The following UNC13B variants were observed in gnomAD, a reference collection of about 807,000 sequenced individuals.
The protein encoded by UNC13B is protein unc-13 homolog B.
In UNC13B, 144 loss-of-function variants were observed where a neutral mutation model predicts 211.0. That is an observed-to-expected ratio of 0.68 (90% CI 0.60 to 0.78). The LOEUF (loss-of-function observed/expected upper bound fraction) is 0.78. Among genes scored for constraint, UNC13B ranks in the 30% least tolerant of loss-of-function variants. The pLI, the probability that UNC13B is intolerant of heterozygous loss-of-function variation, is 0.00. For synonymous variants in UNC13B, 709 were observed against 725.8 expected, an observed-to-expected ratio of 0.98 and a Z score of 0.37; for missense variants, 1,777 against 2,002.0, an observed-to-expected ratio of 0.89 and a Z score of 2.14.
chr9:35,184,809 G>T (rs963591224), intron 1 of UNC13B, among the ~76,000 whole-genome samples: 4 of 112,796 alleles, frequency 3.5e-5, no homozygotes, highest in African/African-American at 6.8e-5. Context: ...AGCGGGGGGG[G>T]GGGGGGAGAG....
Position 35,370,412 on chromosome 9 carries a change from T to C in UNC13B, c.9540+16T>C, listed in dbSNP as rs745677574. 1 of 1,612,876 alleles carries C rather than the reference T, an allele frequency of 6.2e-7. No homozygotes were observed. The highest frequency in any genetic ancestry group is 2.2e-5 in the East Asian group (1 of 44,870). ...CAGTGATCTGGTGAGTGAAGACTCT[T>C]GTGCAGGCATAGGCAGTAGCCTTGG... On this transcript the variant is annotated intron_variant, in intron 13 of 39. Coordinates refer to ENST00000635942, the MANE Select transcript of UNC13B (RefSeq NM_001371189.2).
At chr9:35,219,270 G>C (rs1418666837) in intron 1 of UNC13B, among the ~76,000 whole-genome samples, 2 of 152,016 alleles carry the variant, frequency 1.3e-5, no homozygotes, top group African/African-American at 4.8e-5. Context: ...TCCCTTCTTT[G>C]GTCCTTTGAG....
intron 4 of UNC13B, among the ~76,000 whole-genome samples, chr9:35,236,804 T>A (rs536287597): frequency 1.3e-3 from 198 of 152,324 alleles, no homozygotes; most frequent in African/African-American, 4.5e-3. Context: ...ACTCACAGGC[T>A]CCAGAGCACC....
chr9:35,312,951 A>G (rs934761778), intron 10 of UNC13B, among the ~76,000 whole-genome samples: 5 of 152,170 alleles, frequency 3.3e-5, no homozygotes, highest in Admixed American at 1.3e-4. Context: ...TTTTCATGTA[A>G]AAAGGAATGG....
At chr9:35,286,970 T>A (rs1001005518) in intron 7 of UNC13B, among the ~76,000 whole-genome samples, 40 of 152,128 alleles carry the variant, frequency 2.6e-4, no homozygotes, top group African/African-American at 8.9e-4. Flanking sequence ...TTTCGTTGAA[T>A]TCTGTGAGTT....
chr9:35,378,206 T>C lies in UNC13B; in HGVS notation c.10064-89T>C. The C allele has an allele frequency of 6.5e-6, 10 of 1,533,392 alleles. No individual in the cohort carries two copies. The South Asian group carries it at 1.0e-4, about 16-fold the overall frequency. 95.0% of individuals were successfully genotyped at this position (1,533,392 alleles called of 1,614,324 possible). On this transcript the variant is annotated intron_variant, in intron 16 of 39. Transcript: ENST00000635942. ...GATTACGGTATCTGTGCAAGGAGCA[T>C]AGACTGCTCTAAGATGGAAAGCATA...
At chr9:35,175,505 A>T (rs1187454276) in intron 1 of UNC13B, among the ~76,000 whole-genome samples, 9 of 152,326 alleles carry the variant, frequency 5.9e-5, no homozygotes, top group African/African-American at 2.2e-4. Flanking sequence ...AGCGAGTTTC[A>T]AGAAGGAATG....
rs1834036173 is a variant in UNC13B, at chr9:35,370,345, C to G, written c.9489C>G (p.Asp3163Glu). The G allele has an allele frequency of 2.5e-6, 4 of 1,613,886 alleles. No homozygotes were observed. Among genetic ancestry groups the G allele is most frequent in the Non-Finnish European group, 3.4e-6 (4 of 1,180,014 alleles). Residue 3163 changes from aspartate (D) to glutamate (E), a missense_variant, in exon 13 of 40, where the codon GAC (aspartate) becomes GAG (glutamate). Asp to Glu is a conservative substitution (Grantham distance 45). Transcript: ENST00000635942. ...CAGCCGGAGGGCTCTATGGCATTGA[C>G]AGCATGCCAGATTTACGCAGAAAGA... ...EGPAGGLYGIDSMPDLRRKKP... is the reference protein window; with the variant it reads ...EGPAGGLYGIESMPDLRRKKP...
At chr9:35,225,734 T>A (rs1435997956) in intron 1 of UNC13B, among the ~76,000 whole-genome samples, 7 of 152,190 alleles carry the variant, frequency 4.6e-5, no homozygotes, top group Non-Finnish European at 1.0e-4. Flanking sequence ...GGGACTGATA[T>A]GCCAGATGGG....
At chr9:35,363,579 C>A (rs534443600) in intron 11 of UNC13B, among the ~76,000 whole-genome samples, 1 of 152,178 alleles carries the variant, frequency 6.6e-6, no homozygotes, top group African/African-American at 2.4e-5. Context: ...CCTGTGAATT[C>A]GATTCTTGAA....
intron 7 of UNC13B, among the ~76,000 whole-genome samples, chr9:35,260,230 CAAA>C (rs1827199641): frequency 6.6e-6 from 1 of 151,608 alleles, no homozygotes; most frequent in Non-Finnish European, 1.5e-5. Flanking sequence ...AACAAACAAA[CAAA>C]CAAACCATAG....
rs1289292907 is a variant in UNC13B, at chr9:35,381,439, G to A, written c.10492-117G>A. 6.9e-6 allele frequency: 9 copies of A among 1,307,480 alleles called. No individual in the cohort carries two copies. The East Asian group carries it at 2.0e-4, about 29-fold the overall frequency. 81.0% of individuals were successfully genotyped at this position (1,307,480 alleles called of 1,614,324 possible). A position where few individuals can be genotyped will look rare whatever the true frequency, so the allele number is the denominator to read the frequency against. ...CCACAGGAGGAACTGAGCAATGACT[G>A]GAAGGACAGAATTTCTGTGGGACCT... On this transcript the variant is annotated intron_variant, in intron 19 of 39. Coordinates refer to ENST00000635942, the MANE Select transcript of UNC13B (RefSeq NM_001371189.2).
intron 6 of UNC13B, among the ~76,000 whole-genome samples, chr9:35,253,630 C>T (rs1826647544): frequency 6.6e-6 from 1 of 152,222 alleles, no homozygotes; most frequent in African/African-American, 2.4e-5. Context: ...CCATACACCT[C>T]GTGGGCCTAG....
At chr9:35,345,364 T>G (rs1161225186) in intron 11 of UNC13B, among the ~76,000 whole-genome samples, 5 of 152,154 alleles carry the variant, frequency 3.3e-5, no homozygotes, top group Non-Finnish European at 5.9e-5. Context: ...CGGAAATTAC[T>G]AAGATGAAGT....
rs577013793 is a variant in UNC13B, at chr9:35,280,158, G to C, written c.527-15538G>C. Among the ~76,000 whole-genome samples, 29 of 152,264 alleles carry C rather than the reference G, an allele frequency of 1.9e-4. No individual in the cohort carries two copies. The Middle Eastern group carries it at 0.014, about 71-fold the overall frequency. Reference sequence around the variant, plus strand: ...TAGAGAGGAAAGTGCTGAGGTGACAGAAGAAGAAGCAAATGGTTGAGAATG... The same window carrying C: ...TAGAGAGGAAAGTGCTGAGGTGACACAAGAAGAAGCAAATGGTTGAGAATG... On this transcript the variant is annotated intron_variant, in intron 7 of 39. Coordinates refer to ENST00000635942, the MANE Select transcript of UNC13B (RefSeq NM_001371189.2).
At chr9:35,213,037 G>A (rs1012525441) in intron 1 of UNC13B, among the ~76,000 whole-genome samples, 17 of 152,336 alleles carry the variant, frequency 1.1e-4, no homozygotes, top group South Asian at 4.1e-4. Flanking sequence ...TGGCTGTATA[G>A]GTTAAGTTAA....
intron 11 of UNC13B, among the ~76,000 whole-genome samples, chr9:35,315,406 G>C (rs1303952404): frequency 6.6e-6 from 1 of 152,082 alleles, no homozygotes; most frequent in African/African-American, 2.4e-5. Context: ...TTAAGGAAAA[G>C]TTGCAAAAAC....
intron 1 of UNC13B, among the ~76,000 whole-genome samples, chr9:35,226,949 A>G (rs1211047683): frequency 6.6e-6 from 1 of 152,240 alleles, no homozygotes. Context: ...GTTGACTAGC[A>G]TAATGGCAAA....
chr9:35,318,727 T>A (rs1277664659), intron 11 of UNC13B, among the ~76,000 whole-genome samples: 1 of 152,272 alleles, frequency 6.6e-6, no homozygotes. Flanking sequence ...TTAACCATGT[T>A]ACAAATGAAT....
Sources: allele counts gnomAD v4.1 joint callset (sites outside exome capture counted in the v4.1 genomes callset), GRCh38; gene constraint gnomAD v4.1.1; transcripts MANE v1.5; gene names NCBI Gene and HGNC (gene_info 2026-07-23, HGNC 2026-07-21).